The following GRHL2 variants were observed in gnomAD, a reference collection of about 807,000 sequenced individuals.
GRHL2 encodes the protein grainyhead-like protein 2 homolog.
Under a neutral mutation model 83.8 loss-of-function variants are expected in GRHL2, and 21 were observed. The observed-to-expected ratio is 0.25, with a 90% CI of 0.18 to 0.36. The LOEUF is 0.36. Ranked by LOEUF, GRHL2 falls within the 10% of genes least tolerant of loss-of-function variation. The pLI is 1.00. For missense variants in GRHL2, 623 were observed against 781.8 expected (o/e 0.80, Z 2.42); for synonymous variants, 280 against 278.9 (o/e 1.00, Z -0.04).
intron 1 of GRHL2, among the ~76,000 whole-genome samples, chr8:101,501,228 A>G (rs1240728585): frequency 1.3e-5 from 2 of 152,222 alleles, no homozygotes; most frequent in African/African-American, 2.4e-5. Context: ...TTACTTTGTA[A>G]TGAACATGGC....
At chr8:101,654,460 A>G (rs1306507538) in intron 14 of GRHL2, among the ~76,000 whole-genome samples, 1 of 152,176 alleles carries the variant, frequency 6.6e-6, no homozygotes, top group Admixed American at 6.5e-5. Context: ...ATTGCTTCCC[A>G]TTGGAGAACC....
rs1813683577 is a variant in GRHL2 at position 101,652,538 on chromosome 8, T to TGTGTGGTGTTTGTGTGTG, written c.1698+3044_1698+3045insGTGTTTGTGTGTGGTGTG. ...GTGTGTGTGGTGTGTGTGTGGTGTG[T>TGTGTGGTGTTTGTGTGTG]GTGTGTGTGGTGTGTATGTGTGGTG... is the stretch of plus-strand genomic sequence containing the variant. On this transcript the variant is annotated intron_variant, in intron 14 of 15. Coordinates refer to ENST00000646743, the MANE Select transcript of GRHL2 (RefSeq NM_024915.4). Among the ~76,000 whole-genome samples the TGTGTGGTGTTTGTGTGTG allele has an allele frequency of 1.8e-5, 2 of 111,142 alleles. 1 individual carries two copies. Among genetic ancestry groups the TGTGTGGTGTTTGTGTGTG allele is most frequent in the African/African-American group, 9.7e-5 (2 of 20,588 alleles). The allele number at this position is 111,142 out of a possible 152,430, so 72.9% of individuals were successfully genotyped here.
In GRHL2 at chr8:101,610,619, A is replaced by G. The variant is rs1360053888; in HGVS notation, c.1099-8920A>G. On this transcript the variant is annotated intron_variant, in intron 8 of 15. Coordinates refer to ENST00000646743, the MANE Select transcript of GRHL2 (RefSeq NM_024915.4). ...CTACCGTTTAAAAGTATTATTTCAT[A>G]TAAGTGTCACAGTACCAACGTAGGG... Among the ~76,000 whole-genome samples the G allele has an allele frequency of 2.6e-5, 4 of 151,106 alleles. 1 individual carries two copies. The highest frequency in any genetic ancestry group is 1.9e-4 in the East Asian group (1 of 5,188).
At chr8:101,537,018 G>A (rs1811057950) in intron 1 of GRHL2, among the ~76,000 whole-genome samples, 3 of 151,972 alleles carry the variant, frequency 2.0e-5, no homozygotes, top group Admixed American at 2.0e-4. Context: ...TTATAAGTGA[G>A]AACATGCAGT....
intron 8 of GRHL2, among the ~76,000 whole-genome samples, chr8:101,606,756 C>T (rs540644212): frequency 1.3e-5 from 2 of 152,270 alleles, no homozygotes; most frequent in Non-Finnish European, 2.9e-5. Flanking sequence ...TCTCTCACTT[C>T]CTCCACTCAC....
At chr8:101,587,118 A>G (rs1812185125) in intron 7 of GRHL2, among the ~76,000 whole-genome samples, 1 of 152,230 alleles carries the variant, frequency 6.6e-6, no homozygotes, top group South Asian at 2.1e-4. Flanking sequence ...ACAAGTAGGT[A>G]GATGTGGAAT....
chr8:101,529,628 A>C, intron 1 of GRHL2: 1 of 191,890 alleles, frequency 5.2e-6, no homozygotes, highest in East Asian at 1.4e-4. Flanking sequence ...CTTCCTTTTA[A>C]CATTATTTTC....
the GRHL2 span, among the ~76,000 whole-genome samples, chr8:101,675,426 C>G: frequency 5.9e-5 from 9 of 151,996 alleles, no homozygotes; most frequent in South Asian, 2.1e-4. Context: ...CAGACAAACA[C>G]AGAGCCAAAT....
chr8:101,573,924 C>A, intron 6 of GRHL2, 100 bp downstream of exon 6: 1 of 1,314,896 alleles, frequency 7.6e-7, no homozygotes, highest in East Asian at 2.4e-5. Context: ...ATAAAACCTT[C>A]AACATAAATA....
chr8:101,513,648 A>C (rs687399), intron 1 of GRHL2, among the ~76,000 whole-genome samples: 149,895 of 151,836 alleles, frequency 0.99, 74,071 homozygotes, highest in Non-Finnish European at 1. Context: ...GTGCCCGCCA[A>C]CACACCCGGC....
intron 7 of GRHL2, among the ~76,000 whole-genome samples, chr8:101,584,892 C>T (rs1458783232): frequency 6.6e-6 from 1 of 151,502 alleles, no homozygotes; most frequent in South Asian, 2.1e-4. Flanking sequence ...GTCAGATGGT[C>T]AGGTGGTCAA....
At position 101,543,434 on chromosome 8, in the gene GRHL2, A is replaced by G. The variant is rs1563572694; in HGVS notation, c.214A>G (p.Lys72Glu). 2 of 1,613,840 alleles carry G rather than the reference A, an allele frequency of 1.2e-6. No homozygotes were observed. The highest frequency in any genetic ancestry group is 1.7e-6 in the Non-Finnish European group (2 of 1,179,780). Residue 72 changes from lysine (K) to glutamate (E), a missense_variant and splice_region_variant, in exon 2 of 16, where the codon AAG becomes GAG. Lys to Glu is a moderately conservative substitution (Grantham distance 56). This residue lies in a region of GRHL2 where 239 missense variants were observed against 240.5 expected (regional missense o/e 0.99). Coordinates refer to ENST00000646743, the MANE Select transcript of GRHL2 (RefSeq NM_024915.4). ...AALGLLYDYY[K>E]VPRDKRLLSV... is the part of the protein sequence containing the mutation. Reference sequence around the variant, plus strand: ...CCTCGGCCTGCTCTATGACTACTACAAGGTAGGTCCCCAGCCTCCACTTTT... The same window carrying G: ...CCTCGGCCTGCTCTATGACTACTACGAGGTAGGTCCCCAGCCTCCACTTTT...
intron 8 of GRHL2, among the ~76,000 whole-genome samples, chr8:101,600,925 AG>A (rs1563601331): frequency 6.6e-6 from 1 of 152,198 alleles, no homozygotes; most frequent in Non-Finnish European, 1.5e-5. Flanking sequence ...TGAGAGGCCA[AG>A]GTGGGAGGAT....
At chr8:101,635,932 G>A (rs906435563) in intron 11 of GRHL2, among the ~76,000 whole-genome samples, 1 of 152,172 alleles carries the variant, frequency 6.6e-6, no homozygotes, top group African/African-American at 2.4e-5. Flanking sequence ...TTTGCAGGGA[G>A]GTTGTCTATC....
intron 4 of GRHL2, among the ~76,000 whole-genome samples, chr8:101,567,761 T>C (rs535779615): frequency 6.6e-6 from 1 of 152,216 alleles, no homozygotes; most frequent in Non-Finnish European, 1.5e-5. Context: ...TGAAGATTTG[T>C]AGTATCATAC....
At chr8:101,629,011 A>G (rs1813132940) in intron 9 of GRHL2, among the ~76,000 whole-genome samples, 1 of 152,210 alleles carries the variant, frequency 6.6e-6, no homozygotes, top group Admixed American at 6.5e-5. Context: ...TTAGAATATT[A>G]CATAAACTTA....
At chr8:101,568,107 C>A (rs1190766158) in intron 4 of GRHL2, among the ~76,000 whole-genome samples, 2 of 152,152 alleles carry the variant, frequency 1.3e-5, no homozygotes, top group Admixed American at 6.5e-5. Context: ...TTTTTTAATA[C>A]TATCCAATGT....
At chr8:101,671,781 AT>A (rs1814214381), downstream of GRHL2, among the ~76,000 whole-genome samples, 3 of 152,296 alleles carry the variant, frequency 2.0e-5, no homozygotes, top group East Asian at 5.8e-4. Flanking sequence ...ACTGGGAGGC[AT>A]CCCCTAGTAG....
chr8:101,538,863 G>C (rs1811095889), intron 1 of GRHL2, among the ~76,000 whole-genome samples: 1 of 152,218 alleles, frequency 6.6e-6, no homozygotes, highest in Non-Finnish European at 1.5e-5. Context: ...TTAAAGGGAA[G>C]AGCATAAAAG....
Sources: allele counts gnomAD v4.1 joint callset (sites outside exome capture counted in the v4.1 genomes callset), GRCh38; gene constraint gnomAD v4.1.1; regional missense constraint gnomAD v4.1.1; transcripts MANE v1.5; gene names NCBI Gene and HGNC (gene_info 2026-07-23, HGNC 2026-07-21).